NSMAF: variants seen among roughly 807,000 people sequenced by gnomAD.
NSMAF encodes protein FAN.
NSMAF carries 90 observed loss-of-function variants against 134.9 expected under a neutral mutation model. That is an observed-to-expected ratio of 0.67 (90% CI 0.56 to 0.79). The LOEUF (loss-of-function observed/expected upper bound fraction) is 0.79, where lower values mean the gene tolerates loss of function less well. Among genes scored for constraint, NSMAF ranks in the 30% least tolerant of loss-of-function variants. The pLI is 0.00. For missense variants in NSMAF, 1,010 were observed against 1,119.0 expected (o/e 0.90, Z 1.39); for synonymous variants, 358 against 389.6 (o/e 0.92, Z 0.96).
intron 9 of NSMAF, among the ~76,000 whole-genome samples, chr8:58,614,145 A>G (rs1806601223): frequency 6.6e-6 from 1 of 152,186 alleles, no homozygotes; most frequent in Admixed American, 6.5e-5. Flanking sequence ...TGAGGCGGGA[A>G]ATTAAAGAAA....
chr8:58,592,911 C>A (rs199784932), intron 23 of NSMAF, among the ~76,000 whole-genome samples: 4,767 of 59,572 alleles, frequency 0.08, 157 homozygotes, highest in African/African-American at 0.3. Flanking sequence ...ACAAAAACAA[C>A]AACAACAAAA....
chr8:58,597,993 C>T, intron 19 of NSMAF, 91 bp from the exon 20 acceptor site: 1 of 930,526 alleles, frequency 1.1e-6, no homozygotes. Flanking sequence ...CAACTTAAAA[C>T]TCATGTTCAA....
At chr8:58,617,928 T>C (rs1197099371) in intron 9 of NSMAF, among the ~76,000 whole-genome samples, 1 of 152,164 alleles carries the variant, frequency 6.6e-6, no homozygotes, top group Non-Finnish European at 1.5e-5. Context: ...CCATCAATGA[T>C]AGACTGGATT....
At chr8:58,654,744 T>C (rs954006065) in intron 1 of NSMAF, among the ~76,000 whole-genome samples, 1 of 152,212 alleles carries the variant, frequency 6.6e-6, no homozygotes, top group African/African-American at 2.4e-5. Context: ...CAAAGCACAA[T>C]TAAGAATTTA....
rs190312370 is a variant in NSMAF at position 58,587,757 on chromosome 8, T to G, written c.2212-56A>C. ...TCAAACATTTAACAAAAAGTCATTT[T>G]CTAGTGCATTCAAGAAAAACTCCTA... is the stretch of plus-strand genomic sequence containing the variant. On this transcript the variant is annotated intron_variant, in intron 26 of 30. Transcript: ENST00000038176. 26 of 1,476,618 alleles carry G rather than the reference T, an allele frequency of 1.8e-5. No homozygotes were observed. The Admixed American group carries it at 4.4e-4, about 25-fold the overall frequency. The allele number at this position is 1,476,618 out of a possible 1,614,324, so 91.5% of individuals were successfully genotyped here.
At chr8:58,602,820 T>C (rs1806315074) in intron 13 of NSMAF, among the ~76,000 whole-genome samples, 1 of 152,224 alleles carries the variant, frequency 6.6e-6, no homozygotes, top group Non-Finnish European at 1.5e-5. Flanking sequence ...TTCAGGACTT[T>C]CCAAGTGTTC....
intron 19 of NSMAF, among the ~76,000 whole-genome samples, chr8:58,598,316 T>C (rs1349160734): frequency 6.6e-6 from 1 of 151,336 alleles, no homozygotes; most frequent in Non-Finnish European, 1.5e-5. Flanking sequence ...GCATTGAAAC[T>C]GAAGAGAAGG....
At chr8:58,654,774 T>G (rs995670642) in intron 1 of NSMAF, among the ~76,000 whole-genome samples, 2 of 152,234 alleles carry the variant, frequency 1.3e-5, no homozygotes, top group Non-Finnish European at 2.9e-5. Flanking sequence ...ATTACAGAGA[T>G]AAAACTATGA....
At chr8:58,653,973 T>G (rs1165582762) in intron 1 of NSMAF, among the ~76,000 whole-genome samples, 2 of 152,328 alleles carry the variant, frequency 1.3e-5, no homozygotes, top group South Asian at 2.1e-4. Flanking sequence ...AAAGTCAATA[T>G]AGAGTCTAAA....
At chr8:58,593,197 G>A (rs762050882) in intron 23 of NSMAF, among the ~76,000 whole-genome samples, 27 of 152,322 alleles carry the variant, frequency 1.8e-4, no homozygotes, top group South Asian at 8.3e-4. Flanking sequence ...CCTTCTATCA[G>A]AGAAGTGCCT....
chr8:58,596,564 G>C lies in NSMAF; in HGVS notation c.1792+823C>G, dbSNP rs146010335. Among the ~76,000 whole-genome samples the C allele has an allele frequency of 4.5e-3, 687 of 152,314 alleles. 7 individuals carry two copies. Among genetic ancestry groups the C allele is most frequent in the African/African-American group, 0.015 (640 of 41,560 alleles). The stretch of plus-strand genomic sequence containing the variant: ...CCTAGCACATGCCCAGCGCAGAACA[G>C]ATACCCTGTAAATGTTTGTCAAATG... On this transcript the variant is annotated intron_variant, in intron 21 of 30. Transcript: ENST00000038176.
chr8:58,611,107 A>C (rs549476148), intron 9 of NSMAF, among the ~76,000 whole-genome samples: 1 of 152,318 alleles, frequency 6.6e-6, no homozygotes, highest in Admixed American at 6.5e-5. Flanking sequence ...AAAAAATTAC[A>C]ATACAATAAA....
chr8:58,601,197 T>G (rs1806270408), intron 16 of NSMAF, 88 bp downstream of exon 16: 1 of 1,138,120 alleles, frequency 8.8e-7, no homozygotes, highest in East Asian at 2.5e-5. Context: ...CTTTACTTTT[T>G]TATTATATCC....
chr8:58,621,689 G>A (rs1806791234), intron 9 of NSMAF, among the ~76,000 whole-genome samples: 1 of 152,146 alleles, frequency 6.6e-6, no homozygotes, highest in East Asian at 1.9e-4. Context: ...ACTGGTATAA[G>A]ATGGTATCTC....
chr8:58,631,344 T>C (rs532459111), intron 6 of NSMAF, 152 bp downstream of exon 6: 4 of 414,842 alleles, frequency 9.6e-6, no homozygotes, highest in Non-Finnish European at 1.8e-5. Context: ...AATCTGTGGC[T>C]CCCTTGGGTA....
At chr8:58,652,389 C>T (rs1407462771) in intron 1 of NSMAF, among the ~76,000 whole-genome samples, 1 of 152,148 alleles carries the variant, frequency 6.6e-6, no homozygotes, top group African/African-American at 2.4e-5. Flanking sequence ...AACCCTGGTC[C>T]CCTGACCATG....
intron 26 of NSMAF, chr8:58,588,532 G>A: frequency 1.6e-6 from 2 of 1,238,404 alleles, no homozygotes; most frequent in Non-Finnish European, 1.2e-6. Context: ...GCTGTGAATT[G>A]CACAACTCAC....
chr8:58,628,041 T>C (rs1806976075), intron 6 of NSMAF, among the ~76,000 whole-genome samples: 2 of 152,158 alleles, frequency 1.3e-5, no homozygotes, highest in African/African-American at 2.4e-5. Flanking sequence ...AACAGGTACA[T>C]AGACCAATGG....
chr8:58,611,247 A>G (rs1806523367), intron 9 of NSMAF, among the ~76,000 whole-genome samples: 1 of 152,220 alleles, frequency 6.6e-6, no homozygotes, highest in African/African-American at 2.4e-5. Context: ...AATATGATAA[A>G]GGATCAAGAA....
Sources: allele counts gnomAD v4.1 joint callset (sites outside exome capture counted in the v4.1 genomes callset), GRCh38; gene constraint gnomAD v4.1.1; transcripts MANE v1.5; gene names NCBI Gene and HGNC (gene_info 2026-07-23, HGNC 2026-07-21).